The following DENND5B variants were observed in gnomAD, a reference collection of about 807,000 sequenced individuals.
The protein encoded by DENND5B is DENN domain containing 5B.
Under a neutral mutation model 140.6 loss-of-function variants are expected in DENND5B, and 34 were observed. The observed-to-expected ratio is 0.24, with a 90% CI of 0.18 to 0.32. DENND5B has a LOEUF of 0.32. DENND5B is among the 10% of genes least tolerant of loss of function. The probability of loss-of-function intolerance (pLI) is 1.00; values close to 1 mark genes in which losing one functional copy is unlikely to be tolerated. For missense variants in DENND5B, 1,142 were observed against 1,560.2 expected (o/e 0.73, Z 4.52); for synonymous variants, 551 against 562.1 (o/e 0.98, Z 0.28).
At chr12:31,480,956 T>C (rs1209158767) in intron 2 of DENND5B, among the ~76,000 whole-genome samples, 1 of 152,002 alleles carries the variant, frequency 6.6e-6, no homozygotes, top group African/African-American at 2.4e-5. Context: ...GAGAACAAAA[T>C]TACCCAGAGG....
At chr12:31,399,613 T>C in intron 16 of DENND5B, 41 bp downstream of exon 16, 1 of 1,534,160 alleles carries the variant, frequency 6.5e-7, no homozygotes, top group South Asian at 1.2e-5. Flanking sequence ...CTGAAGAGTC[T>C]TAAAACAAAG....
intron 1 of DENND5B, among the ~76,000 whole-genome samples, chr12:31,538,497 T>C (rs1259440): frequency 0.078 from 11,768 of 151,814 alleles, 1,032 homozygotes; most frequent in African/African-American, 0.22. Flanking sequence ...AAACCTCAAA[T>C]AAACAACTAT....
At chr12:31,578,668 G>A (rs150779507) in intron 1 of DENND5B, among the ~76,000 whole-genome samples, 2 of 152,286 alleles carry the variant, frequency 1.3e-5, no homozygotes, top group East Asian at 3.9e-4. Context: ...ACCTCAGTAT[G>A]TCTACTACTG....
At chr12:31,399,098 G>A (rs1260308514) in intron 16 of DENND5B, among the ~76,000 whole-genome samples, 12 of 135,736 alleles carry the variant, frequency 8.8e-5, no homozygotes, top group Non-Finnish European at 1.9e-4. Flanking sequence ...CTCCAGCCTG[G>A]GCAACAAGAG....
chr12:31,518,692 T>C (rs889012609), intron 1 of DENND5B, among the ~76,000 whole-genome samples: 9 of 152,282 alleles, frequency 5.9e-5, no homozygotes, highest in African/African-American at 2.2e-4. Flanking sequence ...ATCACCTTAA[T>C]TCCACACTCA....
At chr12:31,419,176 T>C (rs186713856) in intron 11 of DENND5B, among the ~76,000 whole-genome samples, 55 of 152,340 alleles carry the variant, frequency 3.6e-4, no homozygotes, top group Admixed American at 3.0e-3. Context: ...AATGTATACT[T>C]CCATTACTAT....
intron 3 of DENND5B, among the ~76,000 whole-genome samples, chr12:31,472,262 A>G (rs180989667): frequency 6.6e-6 from 1 of 152,332 alleles, no homozygotes; most frequent in African/African-American, 2.4e-5. Flanking sequence ...ATTAAGAAAT[A>G]GGGTGAATAA....
chr12:31,447,850 T>C, intron 5 of DENND5B, 81 bp from the exon 6 acceptor site: 1 of 940,066 alleles, frequency 1.1e-6, no homozygotes, highest in Admixed American at 2.8e-5. Flanking sequence ...TTATGTTAAC[T>C]CAGGACATTC....
At chr12:31,528,731 T>C (rs1466648580) in intron 1 of DENND5B, among the ~76,000 whole-genome samples, 1 of 152,216 alleles carries the variant, frequency 6.6e-6, no homozygotes, top group Non-Finnish European at 1.5e-5. Context: ...TTGAACATAC[T>C]GATTTTGAGA....
chr12:31,426,486 C>T (rs1170983180), intron 8 of DENND5B, 62 bp from the exon 9 acceptor site: 13 of 1,532,480 alleles, frequency 8.5e-6, no homozygotes, highest in Non-Finnish European at 9.7e-6. Flanking sequence ...TCTTCTTAAC[C>T]TTATACAAAC....
chr12:31,448,522 TAA>T (rs1214673815), intron 5 of DENND5B, among the ~76,000 whole-genome samples: 1 of 152,218 alleles, frequency 6.6e-6, no homozygotes. Flanking sequence ...ACTGATACAA[TAA>T]ACACATCAGC....
At chr12:31,574,719 T>C (rs754797815) in intron 1 of DENND5B, among the ~76,000 whole-genome samples, 11 of 152,210 alleles carry the variant, frequency 7.2e-5, no homozygotes, top group Non-Finnish European at 1.3e-4. Flanking sequence ...TATTTCCCCA[T>C]TGGCCCCATC....
At chr12:31,577,721 A>G (rs938059076) in intron 1 of DENND5B, among the ~76,000 whole-genome samples, 1 of 151,400 alleles carries the variant, frequency 6.6e-6, no homozygotes, top group African/African-American at 2.4e-5. Flanking sequence ...AAAAAAAAAA[A>G]AAAAAAAAAA....
In DENND5B at chr12:31,409,351, G is replaced by C; in HGVS notation, c.2715C>G (p.Cys905Trp). 6.4e-7 allele frequency: 1 copy of C among 1,558,608 alleles called. No homozygotes were observed. The change falls in exon 14 of 21, where the codon TGC (cysteine) becomes TGG (tryptophan). Residue 905 changes from cysteine (C) to tryptophan (W), a missense_variant. Cys to Trp is a radical substitution (Grantham distance 215). Coordinates refer to ENST00000389082, the MANE Select transcript of DENND5B (RefSeq NM_144973.4). ...AAAGAAACTGCTCTCTTTCTTCTTC[G>C]CAACGTAGAAAAGCATATCGCTTAT... ...KLYKRYAFLR[C>W]EEEREQFLYH...
At chr12:31,505,351 G>A (rs1348116411) in intron 1 of DENND5B, among the ~76,000 whole-genome samples, 3 of 150,294 alleles carry the variant, frequency 2.0e-5, no homozygotes, top group African/African-American at 7.4e-5. Flanking sequence ...CAATTCTCCT[G>A]CCTCAGCCTC....
At chr12:31,545,276 G>C (rs1948818263) in intron 1 of DENND5B, among the ~76,000 whole-genome samples, 1 of 151,992 alleles carries the variant, frequency 6.6e-6, no homozygotes, top group Non-Finnish European at 1.5e-5. Context: ...GGGTACAGGT[G>C]CAGGTTTGCT....
intron 14 of DENND5B, among the ~76,000 whole-genome samples, chr12:31,406,325 A>G (rs970565557): frequency 2.0e-5 from 3 of 152,004 alleles, no homozygotes; most frequent in African/African-American, 7.3e-5. Context: ...GGTTCAGTGC[A>G]CTCTTAGATG....
At chr12:31,561,685 A>T (rs1267688) in intron 1 of DENND5B, among the ~76,000 whole-genome samples, 11,808 of 152,256 alleles carry the variant, frequency 0.078, 1,045 homozygotes, top group African/African-American at 0.22. Context: ...AAACATTGCC[A>T]TTTCCAGGAA....
chr12:31,438,295 C>A (rs1301152805), intron 7 of DENND5B, among the ~76,000 whole-genome samples: 1 of 152,164 alleles, frequency 6.6e-6, no homozygotes, highest in African/African-American at 2.4e-5. Context: ...TTTTAAAGAG[C>A]AAATATTGTA....
Sources: gnomAD v4.1 joint callset for allele counts (sites outside exome capture counted in the v4.1 genomes callset) on GRCh38, gnomAD v4.1.1 for gene constraint, MANE v1.5 for transcripts, NCBI Gene and HGNC (gene_info 2026-07-23, HGNC 2026-07-21) for gene names.